Variants in WWC1 observed in about 807,000 individuals in gnomAD.
WWC1 encodes the protein WW and C2 domain containing 1.
A neutral mutation model predicts 138.4 loss-of-function variants in WWC1; 55 were observed. That is an observed-to-expected ratio of 0.40 (90% CI 0.32 to 0.50). The LOEUF (loss-of-function observed/expected upper bound fraction) is 0.50, where lower values mean the gene tolerates loss of function less well. Ranked by LOEUF, WWC1 falls within the 20% of genes least tolerant of loss-of-function variation. The probability of loss-of-function intolerance (pLI) is 0.72; values close to 1 mark genes in which losing one functional copy is unlikely to be tolerated. For synonymous variants in WWC1, 524 were observed against 564.9 expected, an observed-to-expected ratio of 0.93 and a Z score of 1.03; for missense variants, 1,226 against 1,420.4, an observed-to-expected ratio of 0.86 and a Z score of 2.20.
At chr5:168,344,409 T>A (rs1016731213) in intron 1 of WWC1, among the ~76,000 whole-genome samples, 1 of 152,246 alleles carries the variant, frequency 6.6e-6, no homozygotes, top group Non-Finnish European at 1.5e-5. Context: ...GCACATTCTT[T>A]ACATTTCAGG....
In WWC1 at chr5:168,421,056, C is replaced by A. The variant is rs372743352; in HGVS notation, c.1185-952C>A. ...CCCCCAAAGTCTCCGTGGCTTCATACAACGGGTTTATTTTTTGTTCATATA... is the reference window on the plus strand; with the variant it reads ...CCCCCAAAGTCTCCGTGGCTTCATAAAACGGGTTTATTTTTTGTTCATATA... On this transcript the variant is annotated intron_variant, in intron 9 of 22. Coordinates refer to ENST00000265293, the MANE Select transcript of WWC1 (RefSeq NM_015238.3). 8.5e-5 allele frequency among the ~76,000 whole-genome samples: 13 copies of A among 152,308 alleles called. No homozygotes were observed. In the East Asian group the frequency reaches 1.7e-3, roughly 20 times the overall value.
chr5:168,308,344 T>C (rs1040149993), intron 1 of WWC1, among the ~76,000 whole-genome samples: 1 of 152,180 alleles, frequency 6.6e-6, no homozygotes, highest in Admixed American at 6.5e-5. Flanking sequence ...CAGAGCATGC[T>C]GGATTGGAAA....
At chr5:168,386,014 C>T (rs1485904258) in intron 3 of WWC1, among the ~76,000 whole-genome samples, 1 of 152,044 alleles carries the variant, frequency 6.6e-6, no homozygotes, top group African/African-American at 2.4e-5. Flanking sequence ...GCCCCCCTTT[C>T]TGTTTCCCTA....
chr5:168,366,872 A>G (rs1308970408), intron 1 of WWC1, among the ~76,000 whole-genome samples: 1 of 132,590 alleles, frequency 7.5e-6, no homozygotes, highest in Non-Finnish European at 1.5e-5. Flanking sequence ...ATCTCAGCTC[A>G]CTGCAGCCTC....
In WWC1 at chr5:168,293,595, A is replaced by G. The variant is rs192510764; in HGVS notation, c.119+1324A>G. Reference sequence around the variant, plus strand: ...TCTCATGAATGTAATCTGGAAGGTAAATATTTAGTGCTAGAGAGCATCTCT... The same window carrying G: ...TCTCATGAATGTAATCTGGAAGGTAGATATTTAGTGCTAGAGAGCATCTCT... On this transcript the variant is annotated intron_variant, in intron 1 of 22. Transcript: ENST00000265293. Among the ~76,000 whole-genome samples, 33 of 152,206 alleles carry G rather than the reference A, an allele frequency of 2.2e-4. 1 individual carries two copies. The highest frequency in any genetic ancestry group is 4.4e-5 in the Non-Finnish European group (3 of 68,006).
At chr5:168,393,740 C>T (rs147797920) in intron 3 of WWC1, among the ~76,000 whole-genome samples, 79 of 152,172 alleles carry the variant, frequency 5.2e-4, no homozygotes, top group African/African-American at 1.8e-3. Context: ...CAGCCGAACA[C>T]AGAGAGCAGC....
In WWC1 at chr5:168,397,808, C is replaced by T. The variant is rs369026948; in HGVS notation, c.510+8C>T. 6.2e-7 allele frequency: 1 copy of T among 1,613,832 alleles called. No individual in the cohort carries two copies. Among genetic ancestry groups the T allele is most frequent in the Non-Finnish European group, 8.5e-7 (1 of 1,179,912 alleles). On this transcript the variant is annotated splice_region_variant and intron_variant, in intron 4 of 22. Transcript: ENST00000265293. ...GCCACTGCAAAATCCCGGGTAGGAC[C>T]TCTTCACCTATGCTATGTGCTAGTG...
intron 1 of WWC1, among the ~76,000 whole-genome samples, chr5:168,308,996 G>A (rs968045464): frequency 9.9e-5 from 15 of 151,844 alleles, no homozygotes; most frequent in Admixed American, 3.9e-4. Context: ...TGCCTCCACT[G>A]CCCCCATTCA....
chr5:168,347,074 A>G (rs1774540711), intron 1 of WWC1, among the ~76,000 whole-genome samples: 1 of 152,048 alleles, frequency 6.6e-6, no homozygotes, highest in African/African-American at 2.4e-5. Flanking sequence ...CTGGGCTCAC[A>G]CTCTGGGCTG....
intron 9 of WWC1, among the ~76,000 whole-genome samples, chr5:168,420,824 A>G (rs1781037588): frequency 6.6e-6 from 1 of 151,674 alleles, no homozygotes; most frequent in Non-Finnish European, 1.5e-5. Flanking sequence ...TCTCGGTTAC[A>G]CCTCACAGCC....
chr5:168,417,517 C>G (rs374146365), intron 9 of WWC1, among the ~76,000 whole-genome samples: 3 of 152,148 alleles, frequency 2.0e-5, no homozygotes, highest in African/African-American at 7.2e-5. Context: ...GAGGCTCACC[C>G]GAGATCCCTA....
intron 5 of WWC1, among the ~76,000 whole-genome samples, chr5:168,403,070 CTTTCTTTCT>C (rs1554104764): frequency 3.5e-5 from 3 of 86,832 alleles, no homozygotes; most frequent in Admixed American, 1.1e-4. Context: ...TTCTTTCTTT[CTTTCTTTCT>C]TTTCTTTCTT....
chr5:168,299,684 A>T (rs189555513), intron 1 of WWC1, among the ~76,000 whole-genome samples: 4 of 152,338 alleles, frequency 2.6e-5, no homozygotes, highest in Admixed American at 2.6e-4. Context: ...AGGGAAGAGA[A>T]TCAGGTTGCC....
intron 1 of WWC1, among the ~76,000 whole-genome samples, chr5:168,296,182 A>G (rs1224699094): frequency 1.3e-5 from 2 of 152,200 alleles, no homozygotes; most frequent in Non-Finnish European, 1.5e-5. Flanking sequence ...TGGCCCTCCC[A>G]GAGAAGGTTC....
intron 5 of WWC1, 57 bp downstream of exon 5, chr5:168,399,624 C>T: frequency 6.6e-7 from 1 of 1,509,002 alleles, no homozygotes; most frequent in Non-Finnish European, 9.2e-7. Context: ...GGTTCCCCTC[C>T]TGTCCTCTCT....
chr5:168,464,370 G>A (rs1582395813), intron 20 of WWC1, among the ~76,000 whole-genome samples: 1 of 152,170 alleles, frequency 6.6e-6, no homozygotes, highest in Admixed American at 6.5e-5. Flanking sequence ...AGAGAGGGCG[G>A]GTGGGGACTG....
intron 8 of WWC1, among the ~76,000 whole-genome samples, chr5:168,412,441 C>T (rs1439655807): frequency 6.6e-6 from 1 of 152,146 alleles, no homozygotes; most frequent in Non-Finnish European, 1.5e-5. Flanking sequence ...GATGTAAGGC[C>T]TGAAATTTAA....
chr5:168,460,057 A>T (rs867126042), intron 19 of WWC1, among the ~76,000 whole-genome samples: 1 of 152,286 alleles, frequency 6.6e-6, no homozygotes, highest in African/African-American at 2.4e-5. Context: ...GCGGATGCCC[A>T]CGGGGAGAGT....
chr5:168,382,355 A>T (rs1043797830), intron 2 of WWC1, among the ~76,000 whole-genome samples: 1 of 152,332 alleles, frequency 6.6e-6, no homozygotes, highest in African/African-American at 2.4e-5. Context: ...ACTCAACAAC[A>T]GTTACCTCTG....
Sources: gnomAD v4.1 joint callset for allele counts (sites outside exome capture counted in the v4.1 genomes callset) on GRCh38, gnomAD v4.1.1 for gene constraint, MANE v1.5 for transcripts, NCBI Gene and HGNC (gene_info 2026-07-23, HGNC 2026-07-21) for gene names.